NRXN3: variants seen among roughly 807,000 people sequenced by gnomAD.
NRXN3 encodes the protein neurexin 3, also known as neurexin III.
In NRXN3, 32 loss-of-function variants were observed where a neutral mutation model predicts 137.6. The ratio of observed to expected loss-of-function variants is 0.23; its 90% CI spans 0.18 to 0.31. The LOEUF (loss-of-function observed/expected upper bound fraction) is 0.31. Ranked by LOEUF, NRXN3 falls within the 10% of genes least tolerant of loss-of-function variation. NRXN3 has a pLI of 1.00. For missense variants in NRXN3, 1,574 were observed against 2,062.5 expected (o/e 0.76, Z 4.59); for synonymous variants, 798 against 784.5 (o/e 1.02, Z -0.29).
At chr14:78,529,058 A>G (rs1056688832) in intron 4 of NRXN3, among the ~76,000 whole-genome samples, 26 of 152,190 alleles carry the variant, frequency 1.7e-4, no homozygotes, top group South Asian at 6.2e-4. Context: ...GACTCACAGT[A>G]TCGTTCTCTT....
intron 19 of NRXN3, among the ~76,000 whole-genome samples, chr14:79,754,373 G>A (rs2099010166): frequency 6.6e-6 from 1 of 150,706 alleles, no homozygotes; most frequent in Non-Finnish European, 1.5e-5. Flanking sequence ...GTACAGGGAG[G>A]ATGTGTATAG....
chr14:78,879,940 GTAA>G (rs2152634849), intron 10 of NRXN3, among the ~76,000 whole-genome samples: 1 of 152,212 alleles, frequency 6.6e-6, no homozygotes, highest in Admixed American at 6.5e-5. Context: ...TCAAATGGGG[GTAA>G]TAATATAAGA....
chr14:79,472,212 C>A (rs1196089852), intron 16 of NRXN3, among the ~76,000 whole-genome samples: 2 of 152,128 alleles, frequency 1.3e-5, no homozygotes, highest in African/African-American at 2.4e-5. Flanking sequence ...TTTTCTATTT[C>A]ATGATTTGCT....
intron 16 of NRXN3, among the ~76,000 whole-genome samples, chr14:79,549,603 C>T (rs1184215223): frequency 6.6e-6 from 1 of 152,064 alleles, no homozygotes; most frequent in Non-Finnish European, 1.5e-5. Context: ...GCTCTGCAAA[C>T]ATCAAAAAGT....
intron 16 of NRXN3, among the ~76,000 whole-genome samples, chr14:79,505,130 G>T (rs1016856847): frequency 5.3e-5 from 8 of 151,246 alleles, no homozygotes; most frequent in Middle Eastern, 3.2e-3. Flanking sequence ...CAGGAGAATC[G>T]CTTGAACTTA....
At chr14:79,782,398 G>A (rs2099116564) in intron 19 of NRXN3, among the ~76,000 whole-genome samples, 1 of 152,154 alleles carries the variant, frequency 6.6e-6, no homozygotes, top group African/African-American at 2.4e-5. Flanking sequence ...CCTTGGATGA[G>A]TCATGGTAAG....
chr14:78,457,853 C>G (rs1233116378), intron 4 of NRXN3, among the ~76,000 whole-genome samples: 1 of 152,146 alleles, frequency 6.6e-6, no homozygotes, highest in African/African-American at 2.4e-5. Flanking sequence ...ATACAGCAAT[C>G]AAGGTGATCT....
At chr14:78,699,421 G>T (rs532854872) in intron 6 of NRXN3, among the ~76,000 whole-genome samples, 24 of 152,152 alleles carry the variant, frequency 1.6e-4, no homozygotes, top group Non-Finnish European at 2.9e-4. Context: ...TTCAAAGTTT[G>T]CATTTAATTC....
At chr14:78,541,061 C>A (rs1036672299) in intron 4 of NRXN3, among the ~76,000 whole-genome samples, 23 of 151,814 alleles carry the variant, frequency 1.5e-4, no homozygotes, top group Admixed American at 2.6e-4. Context: ...CTTTTCCCTT[C>A]ATTTCAACCT....
intron 19 of NRXN3, among the ~76,000 whole-genome samples, chr14:79,778,473 G>A (rs546981720): frequency 1.3e-3 from 200 of 152,190 alleles, no homozygotes; most frequent in Non-Finnish European, 2.4e-3. Context: ...GGAACATGAT[G>A]TTGGCATGAG....
At chr14:78,288,113 G>A (rs2075382622) in intron 3 of NRXN3, among the ~76,000 whole-genome samples, 1 of 152,050 alleles carries the variant, frequency 6.6e-6, no homozygotes, top group African/African-American at 2.4e-5. Flanking sequence ...CTGAGTAGCT[G>A]GGATTACAGG....
chr14:78,484,814 G>T (rs2095536465), intron 4 of NRXN3, among the ~76,000 whole-genome samples: 2 of 152,124 alleles, frequency 1.3e-5, no homozygotes, highest in South Asian at 4.2e-4. Flanking sequence ...AAGAGAATGG[G>T]ATATTTCCCT....
At chr14:79,308,374 C>T (rs558824910) in intron 15 of NRXN3, among the ~76,000 whole-genome samples, 2 of 152,222 alleles carry the variant, frequency 1.3e-5, no homozygotes, top group South Asian at 4.1e-4. Flanking sequence ...AACTGCCTGC[C>T]TTTCTGATTG....
chr14:79,637,541 A>G (rs574656840), intron 16 of NRXN3, among the ~76,000 whole-genome samples: 2 of 152,156 alleles, frequency 1.3e-5, no homozygotes, highest in Admixed American at 1.3e-4. Flanking sequence ...GACATGGTGG[A>G]GGTCCTCAAT....
chr14:79,412,019 A>C (rs1025467893), intron 15 of NRXN3, among the ~76,000 whole-genome samples: 1 of 152,132 alleles, frequency 6.6e-6, no homozygotes, highest in Non-Finnish European at 1.5e-5. Context: ...TGTAGGGAGT[A>C]GTATAATTGA....
intron 15 of NRXN3, among the ~76,000 whole-genome samples, chr14:79,275,709 ACATT>A (rs2080172719): frequency 6.7e-6 from 1 of 150,330 alleles, no homozygotes; most frequent in African/African-American, 2.4e-5. Flanking sequence ...TTACCCTGGG[ACATT>A]CTCTTGCAGG....
intron 10 of NRXN3, among the ~76,000 whole-genome samples, chr14:78,811,441 G>A (rs562113044): frequency 2.0e-5 from 3 of 152,208 alleles, no homozygotes; most frequent in East Asian, 1.9e-4. Flanking sequence ...AACAAACATC[G>A]CTTCTATCCA....
At chr14:78,540,242 A>C (rs2096575651) in intron 4 of NRXN3, among the ~76,000 whole-genome samples, 1 of 152,150 alleles carries the variant, frequency 6.6e-6, no homozygotes, top group Non-Finnish European at 1.5e-5. Flanking sequence ...GTGGGAGTCT[A>C]AGTCTCTTTG....
At chr14:78,460,228 G>A (rs994115827) in intron 4 of NRXN3, among the ~76,000 whole-genome samples, 19 of 152,230 alleles carry the variant, frequency 1.2e-4, no homozygotes, top group African/African-American at 3.4e-4. Flanking sequence ...ATGTCCAGCT[G>A]TCTGGAAGAT....
Sources: allele counts gnomAD v4.1 joint callset (sites outside exome capture counted in the v4.1 genomes callset), GRCh38; gene constraint gnomAD v4.1.1; transcripts MANE v1.5; gene names NCBI Gene and HGNC (gene_info 2026-07-23, HGNC 2026-07-21).